The following ADAMTS17 variants were observed in gnomAD, a reference collection of about 807,000 sequenced individuals.
ADAMTS17 encodes A disintegrin and metalloproteinase with thrombospondin motifs 17.
Under a neutral mutation model 141.5 loss-of-function variants are expected in ADAMTS17, and 113 were observed. That is an observed-to-expected ratio of 0.80 (90% CI 0.69 to 0.93). ADAMTS17 has a LOEUF of 0.93. Ranked by LOEUF, ADAMTS17 falls within the 40% of genes least tolerant of loss-of-function variation. The pLI is 0.00. For synonymous variants in ADAMTS17, 768 were observed against 630.6 expected (o/e 1.22, Z -3.27); for missense variants, 1,659 against 1,517.9 (o/e 1.09, Z -1.54).
chr15:100,324,240 T>A (rs1349106078), intron 3 of ADAMTS17, among the ~76,000 whole-genome samples: 2 of 151,766 alleles, frequency 1.3e-5, no homozygotes, highest in Non-Finnish European at 2.9e-5. Flanking sequence ...GGGAGACAGA[T>A]TTTGCAGTGA....
chr15:100,132,651 G>A (rs2038111294), intron 11 of ADAMTS17, among the ~76,000 whole-genome samples: 1 of 152,212 alleles, frequency 6.6e-6, no homozygotes, highest in African/African-American at 2.4e-5. Flanking sequence ...CACATACCCT[G>A]AGGTGCTAGG....
At chr15:100,035,715 T>A (rs184560966) in intron 18 of ADAMTS17, among the ~76,000 whole-genome samples, 1 of 152,070 alleles carries the variant, frequency 6.6e-6, no homozygotes, top group African/African-American at 2.4e-5. Context: ...GGCCTCCCTG[T>A]ACAGTTTACA....
chr15:100,203,422 A>G (rs1362560859), intron 7 of ADAMTS17, among the ~76,000 whole-genome samples: 1 of 151,776 alleles, frequency 6.6e-6, no homozygotes, highest in East Asian at 1.9e-4. Context: ...AAAATACAAA[A>G]TTGGTTGGGT....
chr15:100,264,028 T>C lies in ADAMTS17; in HGVS notation c.790-1593A>G, dbSNP rs568421203. On this transcript the variant is annotated intron_variant, in intron 4 of 21. Transcript: ENST00000268070. Reference sequence around the variant, plus strand: ...AATCAGCCGTGTCACTGCTCGAATTTTACTCTTTGAAAACCATTATTACAG... The same window carrying C: ...AATCAGCCGTGTCACTGCTCGAATTCTACTCTTTGAAAACCATTATTACAG... 3.3e-5 allele frequency among the ~76,000 whole-genome samples: 5 copies of C among 152,354 alleles called. No homozygotes were observed. The South Asian group carries it at 1.0e-3, about 32-fold the overall frequency.
chr15:100,284,423 A>G (rs1263234185), intron 3 of ADAMTS17, among the ~76,000 whole-genome samples: 2 of 152,226 alleles, frequency 1.3e-5, no homozygotes, highest in African/African-American at 4.8e-5. Context: ...AAAGGGATGA[A>G]TAATGACACT....
intron 3 of ADAMTS17, among the ~76,000 whole-genome samples, chr15:100,304,264 C>T (rs1011801834): frequency 6.6e-6 from 1 of 152,202 alleles, no homozygotes. Context: ...CACTGGACTC[C>T]TGGCTCCACT....
chr15:100,334,528 A>G (rs568086604), intron 2 of ADAMTS17, among the ~76,000 whole-genome samples: 5 of 151,934 alleles, frequency 3.3e-5, no homozygotes. Context: ...GTAACTGCAG[A>G]TCCTCCCGTC....
chr15:100,227,475 T>G (rs973905875), intron 7 of ADAMTS17, among the ~76,000 whole-genome samples: 1 of 152,200 alleles, frequency 6.6e-6, no homozygotes, highest in Non-Finnish European at 1.5e-5. Flanking sequence ...CCGCAAGTAA[T>G]AGAAAACAAT....
intron 7 of ADAMTS17, among the ~76,000 whole-genome samples, chr15:100,215,793 T>G (rs1487395399): frequency 1.3e-5 from 2 of 151,850 alleles, no homozygotes; most frequent in East Asian, 3.9e-4. Context: ...GACACAAGTA[T>G]CAAAACATCC....
chr15:100,041,379 T>A (rs1477784100), intron 18 of ADAMTS17, among the ~76,000 whole-genome samples: 2 of 152,190 alleles, frequency 1.3e-5, no homozygotes, highest in Non-Finnish European at 2.9e-5. Flanking sequence ...GCTAATAAGC[T>A]CTTAAAGACT....
chr15:99,976,044 C>G lies in ADAMTS17; in HGVS notation c.3127+1G>C. 1 of 1,549,712 alleles carries G rather than the reference C, an allele frequency of 6.5e-7. No homozygotes were observed. Among genetic ancestry groups the G allele is most frequent in the South Asian group, 1.2e-5 (1 of 83,702 alleles). ...GAACCGGGGCCAGTGAAGACACTCA[C>G]CAAGGCGGGGGGAGGTGATGGTGTT... On this transcript the variant is annotated splice_donor_variant, in intron 21 of 21. Coordinates refer to ENST00000268070, the MANE Select transcript of ADAMTS17 (RefSeq NM_139057.4). LOFTEE classifies it high-confidence loss of function.
At chr15:100,127,117 A>G (rs1431138901) in intron 12 of ADAMTS17, among the ~76,000 whole-genome samples, 6 of 152,172 alleles carry the variant, frequency 3.9e-5, no homozygotes, top group African/African-American at 1.4e-4. Context: ...GGCCGAGAGC[A>G]CAAAGGAGGC....
At chr15:100,171,904 C>T (rs1156892265) in intron 8 of ADAMTS17, among the ~76,000 whole-genome samples, 1 of 152,188 alleles carries the variant, frequency 6.6e-6, no homozygotes, top group Non-Finnish European at 1.5e-5. Context: ...GCCTGTGTTA[C>T]TTAAGTGGCT....
At position 100,024,221 on chromosome 15, in the gene ADAMTS17, T is replaced by C. The variant is rs182869792; in HGVS notation, c.2591+24636A>G. Among the ~76,000 whole-genome samples the C allele has an allele frequency of 2.5e-3, 381 of 152,286 alleles. 2 individuals are homozygous for C. Among genetic ancestry groups the C allele is most frequent in the South Asian group, 0.012 (60 of 4,818 alleles). On this transcript the variant is annotated intron_variant, in intron 18 of 21. Transcript: ENST00000268070. ...AATTCTCCTGCGTCGGCCTCCCGAA[T>C]AGCTGGGACTACAAGCACATGTCAC... is the stretch of plus-strand genomic sequence containing the variant.
intron 18 of ADAMTS17, among the ~76,000 whole-genome samples, chr15:100,018,348 T>A (rs181348148): frequency 2.6e-5 from 4 of 152,170 alleles, no homozygotes; most frequent in Non-Finnish European, 5.9e-5. Flanking sequence ...AGAAGAAATA[T>A]AAATATCTCC....
intron 18 of ADAMTS17, among the ~76,000 whole-genome samples, chr15:100,019,622 C>G (rs185571152): frequency 6.6e-6 from 1 of 152,144 alleles, no homozygotes; most frequent in African/African-American, 2.4e-5. Flanking sequence ...AATGTTGCCA[C>G]GCCGTTCATT....
At chr15:99,992,392 A>G (rs1387856093) in intron 20 of ADAMTS17, among the ~76,000 whole-genome samples, 1 of 152,218 alleles carries the variant, frequency 6.6e-6, no homozygotes, top group African/African-American at 2.4e-5. Context: ...AGAAGAGTCT[A>G]GAAAACCCAC....
chr15:100,203,822 G>A (rs915078429), intron 7 of ADAMTS17, among the ~76,000 whole-genome samples: 1 of 152,026 alleles, frequency 6.6e-6, no homozygotes, highest in Non-Finnish European at 1.5e-5. Context: ...TCACTTGAAC[G>A]CGGGAGGTAG....
At chr15:100,137,551 C>T (rs113602698) in intron 10 of ADAMTS17, among the ~76,000 whole-genome samples, 3 of 152,286 alleles carry the variant, frequency 2.0e-5, no homozygotes, top group African/African-American at 7.2e-5. Context: ...GATGGATGAA[C>T]CTTCTGCTTT....
Sources: gnomAD v4.1 joint callset for allele counts (sites outside exome capture counted in the v4.1 genomes callset) on GRCh38, gnomAD v4.1.1 for gene constraint, MANE v1.5 for transcripts, NCBI Gene and HGNC (gene_info 2026-07-23, HGNC 2026-07-21) for gene names.